FHIP1B: variants seen among roughly 807,000 people sequenced by gnomAD.
FHIP1B encodes FHF complex subunit HOOK-interacting protein 1B.
Under a neutral mutation model 82.2 loss-of-function variants are expected in FHIP1B, and 28 were observed. The observed-to-expected ratio is 0.34, with a 90% CI of 0.25 to 0.47. The LOEUF is 0.47. Ranked by LOEUF, FHIP1B falls within the 20% of genes least tolerant of loss-of-function variation. The pLI is 1.00. For synonymous variants in FHIP1B, 585 were observed against 516.1 expected, an observed-to-expected ratio of 1.13 and a Z score of -1.81; for missense variants, 1,110 against 1,262.6, an observed-to-expected ratio of 0.88 and a Z score of 1.83.
rs779798632 is a variant in FHIP1B at position 6,224,069 on chromosome 11, C to A, written c.318G>T (p.Leu106=). The change falls in exon 3 of 12, where the codon CTG becomes CTT. Residue 106 remains leucine (L), a synonymous_variant. Coordinates refer to ENST00000449352, the MANE Select transcript of FHIP1B (RefSeq NM_001098794.2). ...LLEFALHEDL[L]TRVLTWQLQW... ...GCAGCTGCCATGTCAACACACGGGT[C>A]AGCAGATCCTCGTGCAGAGCAAACT... is the stretch of plus-strand genomic sequence containing the variant. 5 of 1,613,618 alleles carry A rather than the reference C, an allele frequency of 3.1e-6. No individual in the cohort carries two copies. In the South Asian group the frequency reaches 5.5e-5, roughly 18 times the overall value.
intron 1 of FHIP1B, among the ~76,000 whole-genome samples, chr11:6,226,017 C>A (rs1416107198): frequency 6.6e-6 from 1 of 152,136 alleles, no homozygotes; most frequent in Non-Finnish European, 1.5e-5. Context: ...ACAGCCACCA[C>A]ACCCTCATCA....
intron 6 of FHIP1B, among the ~76,000 whole-genome samples, chr11:6,220,333 G>A (rs572692490): frequency 4.0e-4 from 61 of 152,230 alleles, no homozygotes; most frequent in African/African-American, 1.4e-3. Flanking sequence ...AATGGATCCT[G>A]TCCTACGGCC....
chr11:6,224,112 C>A lies in FHIP1B; in HGVS notation c.275G>T (p.Gly92Val), dbSNP rs1322443064. 3 of 1,613,926 alleles carry A rather than the reference C, an allele frequency of 1.9e-6. No individual in the cohort carries two copies. The highest frequency in any genetic ancestry group is 1.3e-5 in the African/African-American group (1 of 74,932). ...AGCAAACTCCAGCAGGGGCCCAGGGCCTGTGGGGGCCGAGGGAACTGCACG... is the reference window on the plus strand; with the variant it reads ...AGCAAACTCCAGCAGGGGCCCAGGGACTGTGGGGGCCGAGGGAACTGCACG... ...EDRAVPSAPT[G>V]PGPLLEFALH... The change falls in exon 3 of 12, where the codon GGC becomes GTC. Residue 92 changes from glycine to valine, a missense_variant. Coordinates refer to ENST00000449352, the MANE Select transcript of FHIP1B (RefSeq NM_001098794.2).
In FHIP1B at chr11:6,217,500, A is replaced by C; in HGVS notation, c.2086T>G (p.Leu696Val). ...TCCTCAAGGGGCAGTGGAGGTTCTA[A>C]GGGGGACTCTGAGCCAGTTCCCCCA... ...SNGGTGSESP[L>V]EPPLPLEEEE... The change falls in exon 9 of 12, where the codon TTA becomes GTA. Residue 696 changes from leucine to valine, a missense_variant. Leu to Val is a conservative substitution (Grantham distance 32). Transcript: ENST00000449352. 6.2e-7 allele frequency: 1 copy of C among 1,612,858 alleles called. No individual in the cohort carries two copies. The highest frequency in any genetic ancestry group is 8.5e-7 in the Non-Finnish European group (1 of 1,179,268).
intron 6 of FHIP1B, among the ~76,000 whole-genome samples, chr11:6,222,160 C>A (rs906466272): frequency 6.6e-6 from 1 of 152,148 alleles, no homozygotes; most frequent in Non-Finnish European, 1.5e-5. Flanking sequence ...TACTACATTA[C>A]GAACACTGCA....
chr11:6,222,773 C>T, intron 5 of FHIP1B, 38 bp downstream of exon 5: 1 of 1,604,112 alleles, frequency 6.2e-7, no homozygotes, highest in Non-Finnish European at 8.5e-7. Context: ...ACCACTGCAG[C>T]TTAGCCCCTT....
chr11:6,217,516 A>T lies in FHIP1B; in HGVS notation c.2070T>A (p.Thr690=), dbSNP rs1428132595. 1 of 1,611,806 alleles carries T rather than the reference A, an allele frequency of 6.2e-7. No individual in the cohort carries two copies. The highest frequency in any genetic ancestry group is 8.5e-7 in the Non-Finnish European group (1 of 1,178,668). The change falls in exon 9 of 12, where the codon ACT becomes ACA. Residue 690 remains threonine, a synonymous_variant. Coordinates refer to ENST00000449352, the MANE Select transcript of FHIP1B (RefSeq NM_001098794.2). The part of the protein sequence containing the change: ...ELEVALSNGG[T]GSESPLEPPL... ...GAGGTTCTAAGGGGGACTCTGAGCC[A>T]GTTCCCCCATTGCTCAATGCCACCT...
At position 6,223,243 on chromosome 11, in the gene FHIP1B, G is replaced by T; in HGVS notation, c.778-5C>A. On this transcript the variant is annotated splice_polypyrimidine_tract_variant and splice_region_variant and intron_variant, in intron 3 of 11. Coordinates refer to ENST00000449352, the MANE Select transcript of FHIP1B (RefSeq NM_001098794.2). This position sits in a 1 kb window ranked among gnomAD's most constrained non-coding sequence, Gnocchi z 4.8. ...ACTGAGCCCTGTGGCCAGCACCTAT[G>T]AGAAGTTACCAAAAGCTCATATATA... The T allele has an allele frequency of 6.3e-7, 1 of 1,582,706 alleles. No individual in the cohort carries two copies. The highest frequency in any genetic ancestry group is 8.5e-7 in the Non-Finnish European group (1 of 1,172,702).
chr11:6,214,742 G>C lies in FHIP1B; in HGVS notation c.2385C>G (p.Ser795=). 1 of 1,579,798 alleles carries C rather than the reference G, an allele frequency of 6.3e-7. No homozygotes were observed. Residue 795 remains serine (S), a synonymous_variant, in exon 10 of 12, where the codon TCC becomes TCG. Transcript: ENST00000449352. The part of the protein sequence containing the change: ...TNMVFQPSVK[S]LLQVLGSVKN... ...TGCATGCATCGCACACCTGCAGCAG[G>C]GACTTGACACTGGGCTGGAAGACCA...
chr11:6,214,139 G>C (rs1847155114), intron 11 of FHIP1B, among the ~76,000 whole-genome samples: 1 of 149,298 alleles, frequency 6.7e-6, no homozygotes. Context: ...CCTTTACTAA[G>C]CTGTAATAAT....
At chr11:6,218,550 G>A in intron 8 of FHIP1B, 50 bp downstream of exon 8, 1 of 1,611,798 alleles carries the variant, frequency 6.2e-7, no homozygotes, top group Non-Finnish European at 8.5e-7. Context: ...CCAGAACCTA[G>A]GCCATACCCG....
At position 6,222,584 on chromosome 11, in the gene FHIP1B, C is replaced by G. The variant is rs191954207; in HGVS notation, c.1049G>C (p.Ser350Thr). 3.7e-6 allele frequency: 6 copies of G among 1,614,108 alleles called. No individual in the cohort carries two copies. In the Admixed American group the frequency reaches 8.3e-5, roughly 22 times the overall value. The change falls in exon 6 of 12, where the codon AGT becomes ACT. Residue 350 changes from serine to threonine, a missense_variant. Coordinates refer to ENST00000449352, the MANE Select transcript of FHIP1B (RefSeq NM_001098794.2). ...HKTSVEEMIA[S>T]TAYLELFLRS... ...TAGGAAAAGTTCCAGATAGGCGGTA[C>G]TGGCGATCATCTCCTCCACAGAGGT... is the stretch of plus-strand genomic sequence containing the variant.
chr11:6,220,897 GA>G (rs796613612), intron 6 of FHIP1B, among the ~76,000 whole-genome samples: 12 of 151,708 alleles, frequency 7.9e-5, no homozygotes, highest in East Asian at 1.9e-4. Flanking sequence ...CATAATGAGG[GA>G]AAAAAAATAC....
At chr11:6,225,606 T>C (rs1228270246) in intron 1 of FHIP1B, among the ~76,000 whole-genome samples, 2 of 152,320 alleles carry the variant, frequency 1.3e-5, no homozygotes, top group East Asian at 1.9e-4. Flanking sequence ...TAAATATTCG[T>C]TGAACGTATT....
intron 1 of FHIP1B, among the ~76,000 whole-genome samples, chr11:6,228,279 G>C (rs548501580): frequency 6.6e-6 from 1 of 152,238 alleles, no homozygotes; most frequent in Non-Finnish European, 1.5e-5. Flanking sequence ...GAACCCAGGA[G>C]GCAGAGGTTG....
rs1847292463 is a variant in FHIP1B, at chr11:6,217,987, G to A, written c.1599C>T (p.Ser533=). ...CTGCAGGGGTAGGCCGTCGGCCAGG[G>A]CTGGAGGCGGGGGATGCAGAAAGCC... ...SPGLSASPAS[S]PGRRPTPAEE... is the part of the protein sequence containing the mutation. The change falls in exon 9 of 12, where the codon AGC becomes AGT. Residue 533 remains serine (S), a synonymous_variant. Transcript: ENST00000449352. 1 of 1,613,432 alleles carries A rather than the reference G, an allele frequency of 6.2e-7. No homozygotes were observed. The highest frequency in any genetic ancestry group is 1.3e-5 in the African/African-American group (1 of 74,922).
chr11:6,216,176 G>A (rs961345864), intron 9 of FHIP1B, among the ~76,000 whole-genome samples: 5 of 152,230 alleles, frequency 3.3e-5, no homozygotes, highest in Non-Finnish European at 7.3e-5. Context: ...TAAATAAATG[G>A]AAAGATAGAT....
In FHIP1B at chr11:6,224,466, G is replaced by A. The variant is rs771577831; in HGVS notation, c.51C>T (p.His17=). The A allele has an allele frequency of 1.3e-5, 21 of 1,614,036 alleles. No individual in the cohort carries two copies. In the South Asian group the frequency reaches 1.3e-4, roughly 10 times the overall value. ...GGAGATTGGCCCCTTGAGGTATACG[G>A]TGCCCAGGGCCCCGGGAGGCCAGTC... ...LSRLASRGPG[H]RIPQGANLQT... Residue 17 remains histidine, a synonymous_variant, in exon 2 of 12, where the codon CAC becomes CAT. Coordinates refer to ENST00000449352, the MANE Select transcript of FHIP1B (RefSeq NM_001098794.2).
At chr11:6,216,818 C>T (rs994023170) in intron 9 of FHIP1B, 4 of 550,950 alleles carry the variant, frequency 7.3e-6, no homozygotes, top group South Asian at 4.5e-5. Flanking sequence ...GGAAAGCGAA[C>T]AGGAAAAACT....
Sources: allele counts gnomAD v4.1 joint callset (sites outside exome capture counted in the v4.1 genomes callset), GRCh38; gene constraint gnomAD v4.1.1; non-coding constraint Gnocchi (gnomAD v3.1); transcripts MANE v1.5; gene names NCBI Gene and HGNC (gene_info 2026-07-23, HGNC 2026-07-21).